DUSP11: variants seen among roughly 807,000 people sequenced by gnomAD.
DUSP11 encodes the protein RNA/RNP complex-1-interacting phosphatase.
In DUSP11, 27 loss-of-function variants were observed where a neutral mutation model predicts 41.4. That is an observed-to-expected ratio of 0.65 (90% CI 0.48 to 0.90). DUSP11 has a LOEUF of 0.90. DUSP11 is among the 40% of genes least tolerant of loss of function. The pLI, the probability that DUSP11 is intolerant of heterozygous loss-of-function variation, is 0.00. For missense variants in DUSP11, 465 were observed against 461.1 expected (o/e 1.01, Z -0.08); for synonymous variants, 188 against 159.3 (o/e 1.18, Z -1.35).
At position 73,762,878 on chromosome 2, in the gene DUSP11, G is replaced by A; in HGVS notation, c.936-19C>T. On this transcript the variant is annotated intron_variant, in intron 8 of 8. Transcript: ENST00000272444. ...AAATTTTCTTAAAGCAAAACAAAAA[G>A]TAATAAGCCATTACTAGGATTAATA... The A allele has an allele frequency of 7.0e-7, 1 of 1,420,574 alleles. No individual in the cohort carries two copies. Among genetic ancestry groups the A allele is most frequent in the East Asian group, 2.4e-5 (1 of 42,002 alleles). 88.0% of individuals were successfully genotyped at this position (1,420,574 alleles called of 1,614,324 possible).
At chr2:73,767,014 C>T in intron 6 of DUSP11, 111 bp from the exon 7 acceptor site, 1 of 1,208,014 alleles carries the variant, frequency 8.3e-7, no homozygotes, top group Non-Finnish European at 1.2e-6. Context: ...ACTACTTCCA[C>T]ATACATCTAT....
chr2:73,779,516 T>C, intron 1 of DUSP11: 1 of 268,416 alleles, frequency 3.7e-6, no homozygotes, highest in East Asian at 8.1e-5. Flanking sequence ...GCTGGGTTCC[T>C]AACTCAAACC....
intron 8 of DUSP11, among the ~76,000 whole-genome samples, chr2:73,764,276 G>T (rs962300458): frequency 2.0e-5 from 3 of 152,080 alleles, no homozygotes; most frequent in African/African-American, 4.8e-5. Context: ...TTTTAAAAAT[G>T]TCAATTTTTT....
intron 4 of DUSP11, 133 bp from the exon 5 acceptor site, chr2:73,769,458 C>G: frequency 1.5e-6 from 1 of 679,386 alleles, no homozygotes; most frequent in East Asian, 2.8e-5. Context: ...AATCATCTAA[C>G]AGAAAGCCAA....
intron 1 of DUSP11, 56 bp downstream of exon 1, chr2:73,779,818 C>T: frequency 3.7e-6 from 6 of 1,606,972 alleles, no homozygotes; most frequent in Non-Finnish European, 5.1e-6. Flanking sequence ...ACGATGAAGC[C>T]CAGACCCAGA....
At chr2:73,780,148 C>G in exon 1 of DUSP11, 3 of 1,550,820 alleles carry the variant, frequency 1.9e-6, no homozygotes, top group Non-Finnish European at 2.6e-6. Flanking sequence ...CGTAGCCACG[C>G]TGGCTTACTG....
chr2:73,772,499 A>G (rs1672602215), intron 4 of DUSP11, among the ~76,000 whole-genome samples: 1 of 152,242 alleles, frequency 6.6e-6, no homozygotes, highest in Admixed American at 6.5e-5. Context: ...TACAATCAGT[A>G]TAACGTGAAC....
intron 2 of DUSP11, 110 bp downstream of exon 2, chr2:73,778,191 T>C (rs566467982): frequency 1.2e-4 from 81 of 679,122 alleles, no homozygotes; most frequent in Non-Finnish European, 1.9e-4. Flanking sequence ...AAGGGGTCAT[T>C]ACAAAGTATT....
intron 2 of DUSP11, among the ~76,000 whole-genome samples, chr2:73,776,654 T>C (rs1411168932): frequency 2.0e-5 from 3 of 152,154 alleles, no homozygotes; most frequent in East Asian, 1.9e-4. Context: ...ATGTTATGCA[T>C]TGTATGTACA....
chr2:73,774,509 C>G (rs1255090324), intron 3 of DUSP11, among the ~76,000 whole-genome samples: 4 of 152,228 alleles, frequency 2.6e-5, no homozygotes, highest in East Asian at 1.9e-4. Context: ...TCATCATCCC[C>G]GACAAAAAGA....
chr2:73,776,237 A>AC (rs1188507472), intron 2 of DUSP11, among the ~76,000 whole-genome samples: 3 of 151,622 alleles, frequency 2.0e-5, no homozygotes, highest in Admixed American at 6.6e-5. Context: ...ACACGGTGAA[A>AC]CCCCATCTCT....
intron 1 of DUSP11, 86 bp from the exon 2 acceptor site, chr2:73,778,462 A>T (rs1672726354): frequency 1.2e-6 from 1 of 809,712 alleles, no homozygotes; most frequent in African/African-American, 1.8e-5. Flanking sequence ...TGGGAATCAT[A>T]GCCCGCACAA....
chr2:73,768,976 G>C, intron 5 of DUSP11: 1 of 213,298 alleles, frequency 4.7e-6, no homozygotes. Flanking sequence ...AAAAAAAAAA[G>C]AATAAGGAGT....
chr2:73,766,673 GAAAAT>G, intron 7 of DUSP11, 79 bp from the exon 8 acceptor site: 1 of 1,462,682 alleles, frequency 6.8e-7, no homozygotes, highest in Non-Finnish European at 9.3e-7. Context: ...TTTGGCATAT[GAAAAT>G]AACAATTTCT....
At chr2:73,768,734 A>G in intron 5 of DUSP11, 1 of 803,950 alleles carries the variant, frequency 1.2e-6, no homozygotes, top group Non-Finnish European at 1.5e-6. Flanking sequence ...AGGCGGGTGG[A>G]TCACAAGGTC....
intron 2 of DUSP11, among the ~76,000 whole-genome samples, chr2:73,775,960 G>GT (rs1672676758): frequency 6.7e-6 from 1 of 150,012 alleles, no homozygotes; most frequent in Non-Finnish European, 1.5e-5. Context: ...CAACCCTCCT[G>GT]TCTCGGCCTC....
chr2:73,766,532 G>A (rs1256042465), exon 8 of DUSP11: 2 of 1,613,896 alleles, frequency 1.2e-6, no homozygotes, highest in Non-Finnish European at 1.7e-6. Flanking sequence ...ATTGTGGACT[G>A]GTTGCATGAG....
chr2:73,778,352 T>C, exon 2 of DUSP11: 2 of 1,550,340 alleles, frequency 1.3e-6, no homozygotes, highest in Non-Finnish European at 8.7e-7. Context: ...GCATCCGCTG[T>C]CCAACTGGGA....
intron 2 of DUSP11, 126 bp from the exon 3 acceptor site, chr2:73,775,170 C>A: frequency 1.3e-6 from 1 of 794,370 alleles, no homozygotes; most frequent in Non-Finnish European, 1.9e-6. Flanking sequence ...TCTCCTGGAA[C>A]ATAGAAGGTA....
Sources: allele counts gnomAD v4.1 joint callset (sites outside exome capture counted in the v4.1 genomes callset), GRCh38; gene constraint gnomAD v4.1.1; transcripts MANE v1.5; gene names NCBI Gene and HGNC (gene_info 2026-07-23, HGNC 2026-07-21).